Variants in OXCT1 observed in about 807,000 individuals in gnomAD.
The protein encoded by OXCT1 is 3-oxoacid CoA-transferase 1, also known as succinyl-CoA:3-ketoacid coenzyme A transferase 1, mitochondrial.
Under a neutral mutation model 69.6 loss-of-function variants are expected in OXCT1, and 27 were observed. The ratio of observed to expected loss-of-function variants is 0.39; its 90% CI spans 0.29 to 0.54. The LOEUF is 0.54. Among genes scored for constraint, OXCT1 ranks in the 20% least tolerant of loss-of-function variants. The pLI, the probability that OXCT1 is intolerant of heterozygous loss-of-function variation, is 0.72. For missense variants in OXCT1, 437 were observed against 650.2 expected (o/e 0.67, Z 3.57); for synonymous variants, 202 against 217.8 (o/e 0.93, Z 0.64).
chr5:41,733,495 C>G (rs1021857304), intron 16 of OXCT1, among the ~76,000 whole-genome samples: 6 of 152,168 alleles, frequency 3.9e-5, no homozygotes, highest in African/African-American at 7.2e-5. Context: ...GATCCACCTG[C>G]CTCAGCCTCC....
intron 13 of OXCT1, among the ~76,000 whole-genome samples, chr5:41,772,209 T>C (rs1744900732): frequency 1.3e-5 from 2 of 152,248 alleles, no homozygotes; most frequent in Non-Finnish European, 1.5e-5. Context: ...TGTGGGTTGG[T>C]TGGGGAGAAG....
At chr5:41,782,874 A>G (rs780720949) in intron 13 of OXCT1, among the ~76,000 whole-genome samples, 2 of 152,190 alleles carry the variant, frequency 1.3e-5, no homozygotes, top group African/African-American at 2.4e-5. Flanking sequence ...TGGCTTAGCT[A>G]CTAATTAGAG....
At chr5:41,849,784 C>A (rs746287265) in intron 5 of OXCT1, among the ~76,000 whole-genome samples, 2 of 152,184 alleles carry the variant, frequency 1.3e-5, no homozygotes, top group Admixed American at 1.3e-4. Flanking sequence ...GTTCAAGTAA[C>A]TAACCTTGAC....
chr5:41,781,908 A>G (rs1745421812), intron 13 of OXCT1, among the ~76,000 whole-genome samples: 1 of 152,200 alleles, frequency 6.6e-6, no homozygotes, highest in Non-Finnish European at 1.5e-5. Context: ...CAGTGCAGTA[A>G]TGAACATAAC....
chr5:41,848,133 A>G (rs1242272782), intron 5 of OXCT1, among the ~76,000 whole-genome samples: 1 of 149,176 alleles, frequency 6.7e-6, no homozygotes, highest in Non-Finnish European at 1.5e-5. Context: ...TTATACACCA[A>G]TAACAGACAA....
intron 7 of OXCT1, among the ~76,000 whole-genome samples, chr5:41,833,180 A>T (rs1349745069): frequency 6.6e-6 from 1 of 152,208 alleles, no homozygotes; most frequent in South Asian, 2.1e-4. Context: ...AATTTAACCC[A>T]AGGAAGACTA....
chr5:41,769,403 G>T (rs762097621), intron 13 of OXCT1, among the ~76,000 whole-genome samples: 4 of 152,028 alleles, frequency 2.6e-5, no homozygotes, highest in Non-Finnish European at 5.9e-5. Context: ...ATTAATCAGT[G>T]CCTGTGCCTT....
intron 13 of OXCT1, among the ~76,000 whole-genome samples, chr5:41,770,849 C>T (rs1443414004): frequency 6.6e-6 from 1 of 152,084 alleles, no homozygotes; most frequent in Non-Finnish European, 1.5e-5. Context: ...GATAAATGTG[C>T]TATTTTCTGA....
chr5:41,821,795 G>A lies in OXCT1; in HGVS notation c.733-14357C>T, dbSNP rs373626747. Among the ~76,000 whole-genome samples, 16 of 152,278 alleles carry A rather than the reference G, an allele frequency of 1.1e-4. 1 individual carries two copies. Among genetic ancestry groups the A allele is most frequent in the African/African-American group, 3.4e-4 (14 of 41,576 alleles). ...TATTTTGTGATAGGGTGATTTTCTT[G>A]TTGTTGAGTTTTAATTGTTTTTGCA... On this transcript the variant is annotated intron_variant, in intron 7 of 16. Transcript: ENST00000196371.
intron 7 of OXCT1, 82 bp downstream of exon 7, chr5:41,840,365 CAAAT>C: frequency 1.0e-6 from 1 of 993,284 alleles, no homozygotes; most frequent in Non-Finnish European, 1.6e-6. Flanking sequence ...ATCCATAAAA[CAAAT>C]GAACTGTGGT....
rs200502435 is a variant in OXCT1, at chr5:41,751,842, C to A, written c.1339-2235G>T. 4.6e-5 allele frequency among the ~76,000 whole-genome samples: 7 copies of A among 152,168 alleles called. No homozygotes were observed. In the East Asian group the frequency reaches 1.2e-3, roughly 25 times the overall value. On this transcript the variant is annotated intron_variant, in intron 14 of 16. Transcript: ENST00000196371. ...CTAAGAAACTGGCACCAAATGTATTCCTGTTAGAACAATGGAGCTAGATGA... is the reference window on the plus strand; with the variant it reads ...CTAAGAAACTGGCACCAAATGTATTACTGTTAGAACAATGGAGCTAGATGA...
chr5:41,784,317 G>A (rs1457353324), intron 13 of OXCT1, among the ~76,000 whole-genome samples: 1 of 152,140 alleles, frequency 6.6e-6, no homozygotes, highest in Admixed American at 6.5e-5. Context: ...CTGGGCAGTG[G>A]AGACTTTAGA....
chr5:41,793,924 C>G, intron 13 of OXCT1, 79 bp downstream of exon 13: 1 of 858,184 alleles, frequency 1.2e-6, no homozygotes, highest in Non-Finnish European at 2.0e-6. Flanking sequence ...GAATCGTGAT[C>G]TCATGGCCCT....
chr5:41,778,774 C>A, intron 13 of OXCT1, among the ~76,000 whole-genome samples: 1 of 152,196 alleles, frequency 6.6e-6, no homozygotes, highest in East Asian at 1.9e-4. Flanking sequence ...TTAAGGTTCT[C>A]TTTTTATTCT....
chr5:41,761,650 G>C (rs1284836671), intron 14 of OXCT1, among the ~76,000 whole-genome samples: 1 of 151,976 alleles, frequency 6.6e-6, no homozygotes, highest in Non-Finnish European at 1.5e-5. Flanking sequence ...ACATCTTCTG[G>C]ATACGGCACC....
In OXCT1 at chr5:41,747,910, T is replaced by C. The variant is rs541054034; in HGVS notation, c.1419+1617A>G. Among the ~76,000 whole-genome samples the C allele has an allele frequency of 2.6e-5, 4 of 152,196 alleles. No homozygotes were observed. The South Asian group carries it at 8.3e-4, about 32-fold the overall frequency. On this transcript the variant is annotated intron_variant, in intron 15 of 16. Coordinates refer to ENST00000196371, the MANE Select transcript of OXCT1 (RefSeq NM_000436.4). ...TCCCTAGATTAGCATCTGGCGTGTG[T>C]CTCCATATGGCCTTTATCATGTCAA... is the stretch of plus-strand genomic sequence containing the variant.
chr5:41,808,947 T>C (rs546476241), intron 7 of OXCT1, among the ~76,000 whole-genome samples: 5 of 152,204 alleles, frequency 3.3e-5, no homozygotes, highest in Admixed American at 3.3e-4. Context: ...GATTTATTAT[T>C]CATGAAAACA....
chr5:41,788,915 A>AAT (rs1190568953), intron 13 of OXCT1, among the ~76,000 whole-genome samples: 5 of 152,212 alleles, frequency 3.3e-5, no homozygotes, highest in Admixed American at 3.3e-4. Flanking sequence ...TGAAACTATA[A>AAT]AGTGTGTTTT....
intron 15 of OXCT1, among the ~76,000 whole-genome samples, chr5:41,745,543 A>T (rs1377571858): frequency 6.6e-6 from 1 of 152,220 alleles, no homozygotes; most frequent in African/African-American, 2.4e-5. Context: ...GCAAGAAATA[A>T]CTAAGATCAG....
Sources: gnomAD v4.1 joint callset for allele counts (sites outside exome capture counted in the v4.1 genomes callset) on GRCh38, gnomAD v4.1.1 for gene constraint, MANE v1.5 for transcripts, NCBI Gene and HGNC (gene_info 2026-07-23, HGNC 2026-07-21) for gene names.